DST: variants seen among roughly 807,000 people sequenced by gnomAD.
DST encodes the protein bullous pemphigoid antigen.
Under a neutral mutation model 875.2 loss-of-function variants are expected in DST, and 253 were observed. That is an observed-to-expected ratio of 0.29 (90% CI 0.26 to 0.32). The LOEUF (loss-of-function observed/expected upper bound fraction) is 0.32. DST is among the 10% of genes least tolerant of loss of function. DST has a pLI of 1.00. For missense variants in DST, 8,287 were observed against 9,111.6 expected (o/e 0.91, Z 3.68); for synonymous variants, 3,124 against 3,197.1 (o/e 0.98, Z 0.77).
intron 58 of DST, 30 bp from the exon 59 acceptor site, chr6:56,557,548 G>A: frequency 6.5e-7 from 1 of 1,543,298 alleles, no homozygotes; most frequent in Non-Finnish European, 8.8e-7. Flanking sequence ...ACTGGTGTTT[G>A]ACATTTTTTG....
intron 4 of DST, among the ~76,000 whole-genome samples, chr6:56,810,081 CTT>C (rs756917764): frequency 3.9e-5 from 6 of 152,150 alleles, no homozygotes; most frequent in Non-Finnish European, 5.9e-5. Context: ...AATCCCAGCA[CTT>C]TGGGAGGCCA....
At position 56,599,844 on chromosome 6, in the gene DST, C is replaced by A. The variant is rs183368126; in HGVS notation, c.11694+225G>T. On this transcript the variant is annotated intron_variant, in intron 45 of 103. Transcript: ENST00000680361. ...AATCCCCTTTAATATTTCCTCCACT[C>A]AATATCTCTTACCAAAAAAAGTCAA... Among the ~76,000 whole-genome samples, 38 of 152,152 alleles carry A rather than the reference C, an allele frequency of 2.5e-4. No individual in the cohort carries two copies. In the South Asian group the frequency reaches 4.6e-3, roughly 18 times the overall value.
intron 4 of DST, among the ~76,000 whole-genome samples, chr6:56,740,218 TTC>T (rs1452741619): frequency 6.6e-6 from 1 of 152,284 alleles, no homozygotes; most frequent in African/African-American, 2.4e-5. Context: ...TCACCCTGAA[TTC>T]TCTCTGGCAA....
intron 2 of DST, among the ~76,000 whole-genome samples, chr6:56,927,262 C>T (rs1807682822): frequency 6.6e-6 from 1 of 152,060 alleles, no homozygotes. Flanking sequence ...GTACCCAACC[C>T]AGAGTCTCAT....
At position 56,489,612 on chromosome 6, in the gene DST, A is replaced by G. The variant is rs764562893; in HGVS notation, c.20758-3T>C. The stretch of plus-strand genomic sequence containing the variant: ...AGTTTACTCCAAGCTTCATGGAACT[A>G]GAAAGAAATTCACACCTTTGTCTGA... On this transcript the variant is annotated splice_region_variant and splice_polypyrimidine_tract_variant and intron_variant, in intron 85 of 103. Transcript: ENST00000680361. 2.5e-6 allele frequency: 4 copies of G among 1,607,836 alleles called. No homozygotes were observed. Among genetic ancestry groups the G allele is most frequent in the Non-Finnish European group, 3.4e-6 (4 of 1,177,384 alleles).
intron 4 of DST, among the ~76,000 whole-genome samples, chr6:56,791,696 G>A (rs1225849059): frequency 6.6e-6 from 1 of 150,518 alleles, no homozygotes; most frequent in Non-Finnish European, 1.5e-5. Flanking sequence ...GAGGTAGGAG[G>A]ATCACCTGAG....
chr6:56,656,961 A>T (rs1224282292), intron 10 of DST, among the ~76,000 whole-genome samples: 1 of 152,184 alleles, frequency 6.6e-6, no homozygotes, highest in Non-Finnish European at 1.5e-5. Flanking sequence ...TGTGTCCTAT[A>T]CCAATGTTTC....
At position 56,463,590 on chromosome 6, in the gene DST, T is replaced by A. The variant is rs2094442685; in HGVS notation, c.22934A>T (p.Gln7645Leu). 6.2e-7 allele frequency: 1 copy of A among 1,601,512 alleles called. No homozygotes were observed. Among genetic ancestry groups the A allele is most frequent in the Non-Finnish European group, 8.5e-7 (1 of 1,171,922 alleles). Residue 7645 changes from glutamine (Q) to leucine (L), a missense_variant, in exon 101 of 104, where the codon CAG (glutamine) becomes CTG (leucine). Gln to Leu is a moderately radical substitution (Grantham distance 113, BLOSUM62 -2). Coordinates refer to ENST00000680361, the MANE Select transcript of DST (RefSeq NM_001374736.1). ...SSQAAQAASP[Q>L]VPATTTPKIL... Reference sequence around the variant, plus strand: ...CTTGGGTGTGGTGGTGGCAGGGACCTGTGGGGAGGCCGCCTGCGCAGCCTG... The same window carrying A: ...CTTGGGTGTGGTGGTGGCAGGGACCAGTGGGGAGGCCGCCTGCGCAGCCTG...
intron 88 of DST, chr6:56,483,664 T>C (rs2095474782): frequency 6.6e-6 from 1 of 150,898 alleles, no homozygotes; most frequent in African/African-American, 2.4e-5. Context: ...GATCCAAGAG[T>C]CTGTGTATGC....
At chr6:56,831,056 G>T (rs919513507) in intron 4 of DST, among the ~76,000 whole-genome samples, 1 of 152,088 alleles carries the variant, frequency 6.6e-6, no homozygotes, top group Non-Finnish European at 1.5e-5. Flanking sequence ...CCATCTCAGA[G>T]AATTGTTATA....
At chr6:56,625,103 G>A in intron 35 of DST, 54 bp downstream of exon 35, 1 of 1,230,816 alleles carries the variant, frequency 8.1e-7, no homozygotes, top group African/African-American at 1.5e-5. Flanking sequence ...AATTTAAAAA[G>A]TAAGTGTTCT....
chr6:56,699,997 C>T (rs114968510), intron 8 of DST, among the ~76,000 whole-genome samples: 1,886 of 152,318 alleles, frequency 0.012, 31 homozygotes, highest in African/African-American at 0.042. Context: ...ACCTAACCCC[C>T]AAACCTATAC....
intron 82 of DST, among the ~76,000 whole-genome samples, chr6:56,497,081 G>A (rs185602506): frequency 4.6e-5 from 7 of 152,014 alleles, no homozygotes; most frequent in African/African-American, 1.7e-4. Context: ...GAGTTAATGG[G>A]TGCAGGACAC....
At chr6:56,545,364 T>C (rs895910534) in intron 61 of DST, among the ~76,000 whole-genome samples, 29 of 151,646 alleles carry the variant, frequency 1.9e-4, no homozygotes, top group African/African-American at 6.3e-4. Context: ...TCCTGAAAAA[T>C]AGCCAACACT....
chr6:56,800,285 T>A (rs1277434861), intron 4 of DST, among the ~76,000 whole-genome samples: 1 of 152,244 alleles, frequency 6.6e-6, no homozygotes, highest in Non-Finnish European at 1.5e-5. Context: ...TTGAAAGTTA[T>A]TCAAAGGTTT....
intron 4 of DST, among the ~76,000 whole-genome samples, chr6:56,784,861 C>A (rs2099701864): frequency 1.3e-5 from 2 of 152,098 alleles, no homozygotes; most frequent in Admixed American, 1.3e-4. Context: ...ATGGTTTTAT[C>A]CGCTTTTGGT....
chr6:56,824,137 TGCC>T lies in DST; in HGVS notation c.625+27257_625+27259del, dbSNP rs1400333417. Among the ~76,000 whole-genome samples the T allele has an allele frequency of 1.9e-3, 286 of 152,272 alleles. 3 individuals carry two copies. The East Asian group carries it at 0.039, about 21-fold the overall frequency. On this transcript the variant is annotated intron_variant, in intron 4 of 103. Transcript: ENST00000680361. ...GATTCTCCTGCCTCAGCCTGCCGAG[TGCC>T]TGCGATTGCAGGCGCGCGCCGCCAC...
At chr6:56,498,712 A>G (rs1273400734) in intron 80 of DST, among the ~76,000 whole-genome samples, 3 of 152,322 alleles carry the variant, frequency 2.0e-5, no homozygotes, top group Middle Eastern at 3.4e-3. Context: ...TTTTACAATC[A>G]GCATTCTGAA....
chr6:56,735,054 C>G, intron 5 of DST, 174 bp downstream of exon 5: 2 of 581,052 alleles, frequency 3.4e-6, no homozygotes, highest in Non-Finnish European at 6.1e-6. Flanking sequence ...CATCATTACC[C>G]ACCGTCCACA....
Sources: allele counts gnomAD v4.1 joint callset (sites outside exome capture counted in the v4.1 genomes callset), GRCh38; gene constraint gnomAD v4.1.1; transcripts MANE v1.5; gene names NCBI Gene and HGNC (gene_info 2026-07-23, HGNC 2026-07-21).